The following PTPN14 variants were observed in gnomAD, a reference collection of about 807,000 sequenced individuals.
PTPN14 encodes the protein tyrosine-protein phosphatase non-receptor type 14.
A neutral mutation model predicts 126.8 loss-of-function variants in PTPN14; 53 were observed. The observed-to-expected ratio is 0.42, with a 90% CI of 0.34 to 0.53. The LOEUF is 0.53. Ranked by LOEUF, PTPN14 falls within the 20% of genes least tolerant of loss-of-function variation. PTPN14 has a pLI of 0.08. For missense variants in PTPN14, 1,257 were observed against 1,552.9 expected (o/e 0.81, Z 3.20); for synonymous variants, 630 against 599.3 (o/e 1.05, Z -0.75).
chr1:214,364,883 G>C lies in PTPN14; in HGVS notation c.3272-208C>G, dbSNP rs1443689915. Among the ~76,000 whole-genome samples the C allele has an allele frequency of 6.6e-6, 1 of 151,844 alleles. No individual in the cohort carries two copies. The highest frequency in any genetic ancestry group is 2.4e-5 in the African/African-American group (1 of 41,298). On this transcript the variant is annotated intron_variant, in intron 17 of 18. Coordinates refer to ENST00000366956, the MANE Select transcript of PTPN14 (RefSeq NM_005401.5). This position sits in a 1 kb window ranked among gnomAD's most constrained non-coding sequence, Gnocchi z 4.1. ...TACCCAATGTACAGTCCTGGATCCA[G>C]ACAGGACCAGCTGGGAGTCAATTAG...
intron 2 of PTPN14, among the ~76,000 whole-genome samples, chr1:214,462,303 T>C (rs4145623): frequency 0.83 from 126,060 of 152,088 alleles, 52,353 homozygotes; most frequent in African/African-American, 0.89. Flanking sequence ...GGTTGACTTT[T>C]GCCTTCTCAC....
intron 5 of PTPN14, among the ~76,000 whole-genome samples, chr1:214,407,029 G>A (rs930174277): frequency 5.3e-5 from 8 of 152,148 alleles, no homozygotes; most frequent in Non-Finnish European, 1.2e-4. Context: ...CACCAAGCAC[G>A]CTGGGAAACA....
intron 3 of PTPN14, among the ~76,000 whole-genome samples, chr1:214,443,811 G>A (rs1660085546): frequency 6.6e-6 from 1 of 152,212 alleles, no homozygotes; most frequent in Admixed American, 6.5e-5. Context: ...AGCTGGTCCT[G>A]GTCCCAGGAG....
At chr1:214,538,387 T>G (rs538947905) in intron 1 of PTPN14, among the ~76,000 whole-genome samples, 69 of 152,316 alleles carry the variant, frequency 4.5e-4, no homozygotes, top group Non-Finnish European at 8.4e-4. Context: ...AAGGATAAAC[T>G]ATAGATAAAA....
At chr1:214,509,791 T>A (rs1300385405) in intron 1 of PTPN14, among the ~76,000 whole-genome samples, 1 of 152,166 alleles carries the variant, frequency 6.6e-6, no homozygotes, top group South Asian at 2.1e-4. Flanking sequence ...ATATACACCA[T>A]GGAATACTAT....
chr1:214,458,489 C>A (rs1434585362), intron 2 of PTPN14, among the ~76,000 whole-genome samples: 1 of 152,192 alleles, frequency 6.6e-6, no homozygotes, highest in Non-Finnish European at 1.5e-5. Flanking sequence ...CGAGTGCTTC[C>A]TATGCCAGGC....
Position 214,383,705 on chromosome 1 carries a change from GCCT to G in PTPN14, c.2147_2149del (p.Glu716del), listed in dbSNP as rs143136196. ...GGGGATCTGGGGCACCGATTCTGGA[GCCT>G]CCTCCTCCTCCTCCTCACTCTCGCT... On this transcript the variant is annotated inframe_deletion, in exon 13 of 19. Coordinates refer to ENST00000366956, the MANE Select transcript of PTPN14 (RefSeq NM_005401.5). This position sits in a 1 kb window ranked among gnomAD's most constrained non-coding sequence, Gnocchi z 4.4. The G allele has an allele frequency of 4.9e-4, 757 of 1,557,290 alleles. 3 individuals are homozygous for G. The African/African-American group carries it at 6.1e-3, about 13-fold the overall frequency.
At chr1:214,466,346 T>A (rs79226468) in intron 1 of PTPN14, among the ~76,000 whole-genome samples, 20 of 152,290 alleles carry the variant, frequency 1.3e-4, no homozygotes, top group African/African-American at 3.4e-4. Flanking sequence ...GTCCTTTTTT[T>A]AACAAATATT....
At chr1:214,519,474 T>A (rs1041527869) in intron 1 of PTPN14, among the ~76,000 whole-genome samples, 1 of 152,124 alleles carries the variant, frequency 6.6e-6, no homozygotes, top group Non-Finnish European at 1.5e-5. Context: ...TGCCTGCTGG[T>A]CCATAATATA....
At chr1:214,532,916 C>G in intron 1 of PTPN14, 1 of 893,200 alleles carries the variant, frequency 1.1e-6, no homozygotes, top group South Asian at 1.3e-5. Context: ...GACCTCGCCA[C>G]GATCATGGCA....
At chr1:214,450,681 C>T (rs963467529) in intron 3 of PTPN14, among the ~76,000 whole-genome samples, 3 of 152,048 alleles carry the variant, frequency 2.0e-5, no homozygotes, top group Admixed American at 1.3e-4. Context: ...GGGTAAAAGG[C>T]AAAAAGTAAA....
intron 10 of PTPN14, among the ~76,000 whole-genome samples, chr1:214,391,427 C>T (rs1658749417): frequency 6.6e-6 from 1 of 151,136 alleles, no homozygotes; most frequent in Non-Finnish European, 1.5e-5. Flanking sequence ...AAAAAAAATG[C>T]AAGAAAAAAT....
chr1:214,511,546 T>G (rs912674479), intron 1 of PTPN14, among the ~76,000 whole-genome samples: 1 of 150,606 alleles, frequency 6.6e-6, no homozygotes, highest in Non-Finnish European at 1.5e-5. Flanking sequence ...GTGGGAAAAA[T>G]TGGAACTCTT....
intron 1 of PTPN14, among the ~76,000 whole-genome samples, chr1:214,521,725 C>CCACCCA (rs1553275116): frequency 6.7e-6 from 1 of 149,062 alleles, no homozygotes; most frequent in African/African-American, 2.5e-5. Context: ...CAAAGCACAC[C>CCACCCA]CACACACACA....
At chr1:214,402,840 A>G in intron 6 of PTPN14, 43 bp downstream of exon 6, 1 of 1,595,862 alleles carries the variant, frequency 6.3e-7, no homozygotes, top group Non-Finnish European at 8.6e-7. Context: ...TGGGCTGTAA[A>G]CATCTGTTGT....
At chr1:214,441,825 G>C (rs935424502) in intron 3 of PTPN14, among the ~76,000 whole-genome samples, 2 of 152,144 alleles carry the variant, frequency 1.3e-5, no homozygotes, top group Non-Finnish European at 2.9e-5. Flanking sequence ...TTCTACTCAA[G>C]CTTTAGAAAA....
intron 17 of PTPN14, among the ~76,000 whole-genome samples, chr1:214,368,286 C>T (rs1658132713): frequency 6.6e-6 from 1 of 151,620 alleles, no homozygotes; most frequent in South Asian, 2.1e-4. Flanking sequence ...TTGGTTCACT[C>T]CGCCTCCCAG....
intron 1 of PTPN14, among the ~76,000 whole-genome samples, chr1:214,485,811 C>T (rs1006985896): frequency 9.2e-5 from 14 of 151,952 alleles, no homozygotes; most frequent in Non-Finnish European, 1.8e-4. Flanking sequence ...CTGCAAGCTC[C>T]GCCTCCCGGG....
chr1:214,485,274 T>C (rs1661086479), intron 1 of PTPN14, among the ~76,000 whole-genome samples: 1 of 152,086 alleles, frequency 6.6e-6, no homozygotes, highest in African/African-American at 2.4e-5. Context: ...GCCTCGTATC[T>C]CTCCCAGGAA....
Sources: gnomAD v4.1 joint callset for allele counts (sites outside exome capture counted in the v4.1 genomes callset) on GRCh38, gnomAD v4.1.1 for gene constraint, Gnocchi (gnomAD v3.1) non-coding constraint, MANE v1.5 for transcripts, NCBI Gene and HGNC (gene_info 2026-07-23, HGNC 2026-07-21) for gene names.